The following UIMC1 variants were observed in gnomAD, a reference collection of about 807,000 sequenced individuals.
The protein encoded by UIMC1 is BRCA1-A complex subunit RAP80.
UIMC1 carries 42 observed loss-of-function variants against 84.9 expected under a neutral mutation model. The observed-to-expected ratio is 0.49, with a 90% CI of 0.39 to 0.64. The LOEUF is 0.64. UIMC1 is among the 30% of genes least tolerant of loss of function. The probability of loss-of-function intolerance (pLI) is 0.00; values close to 1 mark genes in which losing one functional copy is unlikely to be tolerated. For missense variants in UIMC1, 825 were observed against 847.6 expected, an observed-to-expected ratio of 0.97 and a Z score of 0.33; for synonymous variants, 281 against 293.0, an observed-to-expected ratio of 0.96 and a Z score of 0.42.
chr5:176,927,182 A>G (rs778355339), intron 10 of UIMC1, among the ~76,000 whole-genome samples: 41 of 149,760 alleles, frequency 2.7e-4, no homozygotes, highest in Non-Finnish European at 5.3e-4. Context: ...GGGCAACATA[A>G]TAAGACACCA....
intron 8 of UIMC1, 94 bp downstream of exon 8, chr5:176,955,865 C>T (rs1766533821): frequency 5.0e-6 from 6 of 1,204,186 alleles, no homozygotes; most frequent in East Asian, 2.4e-5. Flanking sequence ...TACAAACCTC[C>T]AGAGAGTAGG....
chr5:176,970,692 A>G, intron 4 of UIMC1, 50 bp downstream of exon 4: 1 of 1,613,176 alleles, frequency 6.2e-7, no homozygotes, highest in Non-Finnish European at 8.5e-7. Flanking sequence ...ACAGAAGTCA[A>G]AAATATAGCT....
At chr5:176,944,717 T>C (rs779518137) in intron 9 of UIMC1, among the ~76,000 whole-genome samples, 1 of 152,204 alleles carries the variant, frequency 6.6e-6, no homozygotes, top group African/African-American at 2.4e-5. Flanking sequence ...TAAAACCTAA[T>C]GCTTATAAGT....
intron 10 of UIMC1, among the ~76,000 whole-genome samples, chr5:176,941,460 G>A (rs1019609405): frequency 1.3e-5 from 2 of 152,076 alleles, no homozygotes; most frequent in Non-Finnish European, 2.9e-5. Context: ...TTTATAATCA[G>A]AAAAATCAAC....
chr5:176,988,665 A>G lies in UIMC1; in HGVS notation c.-8-6042T>C, dbSNP rs191115002. On this transcript the variant is annotated intron_variant, in intron 1 of 14. Transcript: ENST00000511320. ...ACACTTAAAATGACTGAAATGGTAG[A>G]TTTTGTTAGGTGAATTTTTTTTTTT... is the stretch of plus-strand genomic sequence containing the variant. Among the ~76,000 whole-genome samples the G allele has an allele frequency of 9.0e-3, 1,359 of 150,306 alleles. 8 individuals are homozygous for G. The highest frequency in any genetic ancestry group is 0.025 in the South Asian group (118 of 4,740).
intron 1 of UIMC1, among the ~76,000 whole-genome samples, chr5:176,996,366 T>A (rs1561912708): frequency 6.6e-6 from 1 of 152,134 alleles, no homozygotes; most frequent in Non-Finnish European, 1.5e-5. Flanking sequence ...TGGAGGTGAT[T>A]ACACAGTTAT....
chr5:177,019,784 T>C (rs1343147471), intron 1 of UIMC1, among the ~76,000 whole-genome samples: 1 of 151,928 alleles, frequency 6.6e-6, no homozygotes, highest in Non-Finnish European at 1.5e-5. Flanking sequence ...ATAGAAAACA[T>C]AGCTGGGTAT....
At chr5:176,940,440 C>T (rs533675789) in intron 10 of UIMC1, among the ~76,000 whole-genome samples, 1 of 152,178 alleles carries the variant, frequency 6.6e-6, no homozygotes, top group Non-Finnish European at 1.5e-5. Context: ...ATTTCTGGAC[C>T]TTGATGTTGT....
intron 11 of UIMC1, among the ~76,000 whole-genome samples, chr5:176,910,364 T>C (rs1012590785): frequency 2.6e-5 from 4 of 152,228 alleles, no homozygotes; most frequent in Non-Finnish European, 4.4e-5. Flanking sequence ...GTGCTATCTT[T>C]GATGTCCAAG....
intron 1 of UIMC1, among the ~76,000 whole-genome samples, chr5:177,015,538 G>A (rs1775651674): frequency 6.6e-6 from 1 of 152,208 alleles, no homozygotes; most frequent in African/African-American, 2.4e-5. Context: ...TCACTGCAGT[G>A]ATGAGGAGGA....
chr5:176,928,001 G>A (rs904812795), intron 10 of UIMC1, among the ~76,000 whole-genome samples: 4 of 151,852 alleles, frequency 2.6e-5, no homozygotes, highest in South Asian at 2.1e-4. Context: ...ACAGGCAGGC[G>A]CCACCATGCC....
At chr5:176,984,044 C>A (rs2149509406) in intron 1 of UIMC1, among the ~76,000 whole-genome samples, 1 of 110,496 alleles carries the variant, frequency 9.1e-6, no homozygotes, top group Non-Finnish European at 1.9e-5. Flanking sequence ...GCCGCCCCGT[C>A]TGGGAAGTGA....
intron 10 of UIMC1, among the ~76,000 whole-genome samples, chr5:176,914,069 TACCAC>T (rs1271468882): frequency 4.8e-4 from 70 of 144,494 alleles, no homozygotes; most frequent in African/African-American, 1.9e-3. Flanking sequence ...TACCATACCA[TACCAC>T]ACCACACCAC....
intron 9 of UIMC1, among the ~76,000 whole-genome samples, chr5:176,948,394 C>A (rs893282751): frequency 1.3e-5 from 2 of 152,146 alleles, no homozygotes; most frequent in African/African-American, 4.8e-5. Flanking sequence ...CTACTTGTGA[C>A]AAATCTCTAC....
intron 10 of UIMC1, among the ~76,000 whole-genome samples, chr5:176,930,231 A>C (rs1275035786): frequency 3.3e-5 from 5 of 152,168 alleles, no homozygotes; most frequent in Admixed American, 1.3e-4. Flanking sequence ...TTATTCTCAA[A>C]ATTATATTAC....
intron 1 of UIMC1, among the ~76,000 whole-genome samples, chr5:176,993,610 A>G (rs1396347521): frequency 6.6e-6 from 1 of 152,200 alleles, no homozygotes; most frequent in Non-Finnish European, 1.5e-5. Flanking sequence ...TCTAATAATT[A>G]TAAAGTATCT....
chr5:176,925,184 A>G (rs1762238492), intron 10 of UIMC1, among the ~76,000 whole-genome samples: 1 of 152,206 alleles, frequency 6.6e-6, no homozygotes, highest in Non-Finnish European at 1.5e-5. Flanking sequence ...CAATTTTAAA[A>G]TGGACAAAAC....
intron 1 of UIMC1, among the ~76,000 whole-genome samples, chr5:176,989,495 A>G (rs960406252): frequency 1.3e-5 from 2 of 151,996 alleles, no homozygotes; most frequent in Non-Finnish European, 2.9e-5. Flanking sequence ...CCCCATCTCT[A>G]TTAAAAATAC....
In UIMC1 at chr5:176,905,219, G is replaced by A; in HGVS notation, c.*63C>T. ...TCAACAATGAACTAGGGACCACTAT[G>A]GCTTAATGAACATGGCCCACCCCTC... On this transcript the variant is annotated 3_prime_UTR_variant, in exon 15 of 15. Coordinates refer to ENST00000511320, the MANE Select transcript of UIMC1 (RefSeq NM_001199298.2). 1.3e-6 allele frequency: 2 copies of A among 1,562,366 alleles called. No homozygotes were observed. Among genetic ancestry groups the A allele is most frequent in the African/African-American group, 2.7e-5 (2 of 73,816 alleles).
Sources: gnomAD v4.1 joint callset for allele counts (sites outside exome capture counted in the v4.1 genomes callset) on GRCh38, gnomAD v4.1.1 for gene constraint, MANE v1.5 for transcripts, NCBI Gene and HGNC (gene_info 2026-07-23, HGNC 2026-07-21) for gene names.